Variants in CDH23 observed in about 807,000 individuals in gnomAD.
The protein encoded by CDH23 is cadherin related 23.
CDH23 carries 189 observed loss-of-function variants against 317.1 expected under a neutral mutation model. The observed-to-expected ratio is 0.60, with a 90% confidence interval of 0.53 to 0.67. CDH23 has a LOEUF of 0.67. Ranked by LOEUF, CDH23 falls within the 30% of genes least tolerant of loss-of-function variation. The pLI, the probability that CDH23 is intolerant of heterozygous loss-of-function variation, is 0.00. For synonymous variants in CDH23, 1,839 were observed against 1,876.8 expected (o/e 0.98, Z 0.52); for missense variants, 4,401 against 4,592.4 (o/e 0.96, Z 1.20).
chr10:71,632,000 A>G (rs1862035711), intron 11 of CDH23, among the ~76,000 whole-genome samples: 1 of 152,210 alleles, frequency 6.6e-6, no homozygotes, highest in Admixed American at 6.5e-5. Context: ...CCCTGTAAAG[A>G]GACGGGACAA....
Position 71,677,670 on chromosome 10 carries a change from G to A in CDH23, c.1729G>A (p.Val577Ile). 1 of 1,569,064 alleles carries A rather than the reference G, an allele frequency of 6.4e-7. No homozygotes were observed. The highest frequency in any genetic ancestry group is 8.6e-7 in the Non-Finnish European group (1 of 1,157,370). Residue 577 changes from valine (V) to isoleucine (I), a missense_variant, in exon 16 of 70, where the codon GTC becomes ATC. By Grantham distance (29) the Val-to-Ile change is conservative. This residue lies in a region of CDH23 where 3,068 missense variants were observed against 3,203.3 expected (regional missense o/e 0.96). Coordinates refer to ENST00000224721, the MANE Select transcript of CDH23 (RefSeq NM_022124.6). ...TGCTCTGCGGGAGAACGAGCCTTCT[G>A]TCACACAGCTGGTGCGGCTCCGGGT... ...VGALRENEPS[V>I]TQLVRLRATD... is the part of the protein sequence containing the mutation.
intron 3 of CDH23, among the ~76,000 whole-genome samples, chr10:71,497,793 G>C (rs573550249): frequency 3.9e-5 from 6 of 152,210 alleles, no homozygotes; most frequent in Non-Finnish European, 8.8e-5. Flanking sequence ...GCTAGCTGTT[G>C]AGCTGGTTGA....
chr10:71,740,875 G>A lies in CDH23; in HGVS notation c.4542G>A (p.Gln1514=), dbSNP rs559831834. ...TPPRKKDHIL[Q]VTILDINDNP... is the part of the protein sequence containing the mutation. Reference sequence around the variant, plus strand: ...CACGGAAGAAGGACCACATCCTGCAGGTGACCATCCTGGACATCAATGACA... The same window carrying A: ...CACGGAAGAAGGACCACATCCTGCAAGTGACCATCCTGGACATCAATGACA... The change falls in exon 37 of 70, where the codon CAG becomes CAA. Residue 1514 remains glutamine, a synonymous_variant. Transcript: ENST00000224721. 47 of 1,613,940 alleles carry A rather than the reference G, an allele frequency of 2.9e-5. No individual in the cohort carries two copies. In the African/African-American group the frequency reaches 5.7e-4, roughly 20 times the overall value.
chr10:71,650,119 T>G (rs1863097107), intron 14 of CDH23, among the ~76,000 whole-genome samples: 1 of 152,190 alleles, frequency 6.6e-6, no homozygotes, highest in African/African-American at 2.4e-5. Flanking sequence ...CCAGGGTCGC[T>G]CCAGGTGGTG....
chr10:71,772,383 A>G (rs1305647679), intron 38 of CDH23, among the ~76,000 whole-genome samples: 1 of 152,104 alleles, frequency 6.6e-6, no homozygotes, highest in Non-Finnish European at 1.5e-5. Flanking sequence ...TGCATGACTC[A>G]TACTTTCCCT....
chr10:71,581,994 C>CCT (rs1858673745), intron 9 of CDH23, among the ~76,000 whole-genome samples: 1 of 152,348 alleles, frequency 6.6e-6, no homozygotes, highest in East Asian at 1.9e-4. Flanking sequence ...AGATGTTCGA[C>CCT]CTCTCAATCC....
chr10:71,630,503 G>T (rs1243738360), intron 11 of CDH23, among the ~76,000 whole-genome samples: 1 of 152,210 alleles, frequency 6.6e-6, no homozygotes, highest in Non-Finnish European at 1.5e-5. Flanking sequence ...CCAATATGGG[G>T]AGGGGAGGAA....
chr10:71,630,792 G>A (rs943368103), intron 11 of CDH23, among the ~76,000 whole-genome samples: 3 of 152,148 alleles, frequency 2.0e-5, no homozygotes, highest in Non-Finnish European at 4.4e-5. Flanking sequence ...AATGCTCCTC[G>A]ATGGCCGATC....
intron 3 of CDH23, among the ~76,000 whole-genome samples, chr10:71,464,806 C>A (rs1051304198): frequency 6.6e-6 from 1 of 152,198 alleles, no homozygotes; most frequent in Non-Finnish European, 1.5e-5. Flanking sequence ...ATACTAATGA[C>A]AGGAAAGTAA....
chr10:71,754,169 G>C (rs1840074298), intron 38 of CDH23, among the ~76,000 whole-genome samples: 1 of 152,106 alleles, frequency 6.6e-6, no homozygotes, highest in South Asian at 2.1e-4. Flanking sequence ...GCCCAGCGTT[G>C]CTCTTCTGTT....
chr10:71,539,367 G>A (rs767485333), intron 6 of CDH23, among the ~76,000 whole-genome samples: 11 of 152,128 alleles, frequency 7.2e-5, no homozygotes, highest in African/African-American at 1.2e-4. Context: ...CTTCCAGCAG[G>A]AGACCAAGTC....
intron 28 of CDH23, chr10:71,719,594 C>T (rs912751958): frequency 7.8e-5 from 12 of 153,182 alleles, no homozygotes; most frequent in African/African-American, 2.9e-4. Context: ...CTTCCCTCTC[C>T]AAGCCTTCTC....
intron 26 of CDH23, among the ~76,000 whole-genome samples, chr10:71,708,385 G>A (rs186759023): frequency 5.6e-4 from 85 of 152,254 alleles, no homozygotes; most frequent in Non-Finnish European, 6.2e-4. Context: ...GTGCCGTGGC[G>A]CCCTCTGCTG....
intron 6 of CDH23, among the ~76,000 whole-genome samples, chr10:71,514,307 T>A (rs1854155343): frequency 6.6e-6 from 1 of 152,202 alleles, no homozygotes; most frequent in Admixed American, 6.5e-5. Context: ...CTGCATTTTT[T>A]ACAAACTCCT....
intron 14 of CDH23, among the ~76,000 whole-genome samples, chr10:71,666,422 C>A (rs967777573): frequency 6.6e-5 from 10 of 152,292 alleles, no homozygotes; most frequent in African/African-American, 2.4e-4. Flanking sequence ...ATTTCCTTTT[C>A]TCCCAGGTGC....
intron 38 of CDH23, among the ~76,000 whole-genome samples, chr10:71,775,445 C>G (rs908521230): frequency 1.3e-5 from 2 of 152,206 alleles, no homozygotes; most frequent in South Asian, 2.1e-4. Context: ...GTTCCCTCCC[C>G]CCTTTTCACT....
intron 6 of CDH23, among the ~76,000 whole-genome samples, chr10:71,551,374 A>AC (rs972812615): frequency 2.6e-5 from 4 of 151,134 alleles, no homozygotes; most frequent in African/African-American, 9.7e-5. Context: ...TTCACTGGGC[A>AC]CCCCCGGGGC....
rs767459943 is a variant in CDH23 at position 71,492,712 on chromosome 10, G to GCC, written c.146-17369_146-17368insCC. 3.3e-5 allele frequency among the ~76,000 whole-genome samples: 5 copies of GCC among 152,280 alleles called. No homozygotes were observed. In the East Asian group the frequency reaches 7.7e-4, roughly 24 times the overall value. On this transcript the variant is annotated intron_variant, in intron 3 of 69. Coordinates refer to ENST00000224721, the MANE Select transcript of CDH23 (RefSeq NM_022124.6). ...CACTCCTCAAGGCTCTGGGTATACA[G>GCC]CAGAGAACACAGGTCAGAGTTCCTG...
At chr10:71,777,554 C>A in intron 38 of CDH23, 126 bp from the exon 39 acceptor site, 1 of 796,186 alleles carries the variant, frequency 1.3e-6, no homozygotes, top group Non-Finnish European at 2.0e-6. Flanking sequence ...CCACCCCCTG[C>A]TTTCTTCTCC....
Sources: gnomAD v4.1 joint callset for allele counts (sites outside exome capture counted in the v4.1 genomes callset) on GRCh38, gnomAD v4.1.1 for gene constraint, gnomAD v4.1.1 regional missense constraint, MANE v1.5 for transcripts, NCBI Gene and HGNC (gene_info 2026-07-23, HGNC 2026-07-21) for gene names.